PPP1R16B: variants seen among roughly 807,000 people sequenced by gnomAD.
PPP1R16B encodes protein phosphatase 1 regulatory subunit 16B.
Under a neutral mutation model 61.7 loss-of-function variants are expected in PPP1R16B, and 14 were observed. That is an observed-to-expected ratio of 0.23 (90% confidence interval 0.15 to 0.35). PPP1R16B has a LOEUF of 0.35. PPP1R16B is among the 10% of genes least tolerant of loss of function. The pLI is 1.00. For missense variants in PPP1R16B, 547 were observed against 752.5 expected (o/e 0.73, Z 3.19); for synonymous variants, 266 against 305.3 (o/e 0.87, Z 1.34).
chr20:38,830,706 A>T (rs528645097), intron 1 of PPP1R16B, among the ~76,000 whole-genome samples: 12 of 152,346 alleles, frequency 7.9e-5, no homozygotes, highest in African/African-American at 2.9e-4. Context: ...GAAAGTCTGA[A>T]AGATTAAAAG....
intron 2 of PPP1R16B, among the ~76,000 whole-genome samples, chr20:38,859,229 A>G (rs770407642): frequency 4.0e-5 from 6 of 151,780 alleles, no homozygotes. Context: ...ACAGCCCAGC[A>G]CGGGTATTCA....
intron 1 of PPP1R16B, 27 bp from the exon 2 acceptor site, chr20:38,835,798 T>C: frequency 3.6e-6 from 4 of 1,110,568 alleles, no homozygotes; most frequent in Non-Finnish European, 5.0e-6. Context: ...ACACATGTGT[T>C]CATCTGTGTC....
chr20:38,813,767 C>CATTATTATTATTATT (rs371284370), intron 1 of PPP1R16B, among the ~76,000 whole-genome samples: 4 of 132,074 alleles, frequency 3.0e-5, no homozygotes, highest in East Asian at 2.1e-4. Flanking sequence ...TCATCATCAT[C>CATTATTATTATTATT]ATTATTATTA....
chr20:38,877,357 T>A (rs1436069448), intron 2 of PPP1R16B, among the ~76,000 whole-genome samples: 1 of 151,926 alleles, frequency 6.6e-6, no homozygotes, highest in Non-Finnish European at 1.5e-5. Flanking sequence ...TTGCCCACGC[T>A]GGAGTGCAAT....
In PPP1R16B at chr20:38,918,514, G is replaced by T. The variant is rs769578356; in HGVS notation, c.1552G>T (p.Ala518Ser). 3.1e-6 allele frequency: 5 copies of T among 1,600,500 alleles called. No individual in the cohort carries two copies. Among genetic ancestry groups the T allele is most frequent in the Non-Finnish European group, 4.3e-6 (5 of 1,171,254 alleles). ...GGGCGAGAGTAGCAGTGAAGGCAAG[G>T]CCCCCTTGATCGGAGGCAGAACTTC... ...RTGESSSEGK[A>S]PLIGGRTSPY... The change falls in exon 11 of 11, where the codon GCC (alanine) becomes TCC (serine). Residue 518 changes from alanine (A) to serine (S), a missense_variant. Ala to Ser is a moderately conservative substitution (Grantham distance 99). Transcript: ENST00000299824. The surrounding 1 kb of genome is among the most constrained non-coding windows in gnomAD (Gnocchi z 5.3).
At chr20:38,899,773 A>G (rs954776047) in intron 4 of PPP1R16B, among the ~76,000 whole-genome samples, 1 of 151,976 alleles carries the variant, frequency 6.6e-6, no homozygotes, top group Non-Finnish European at 1.5e-5. Context: ...GTGACCTTGG[A>G]CAAGTGACCG....
rs532473581 is a variant in PPP1R16B, at chr20:38,880,375, A to G, written c.251-9220A>G. Reference sequence around the variant, plus strand: ...AACCAGGTGAAGTGAAGACAGAGAAAGACAGGCAGGGCTGGGTGTGGTGGC... The same window carrying G: ...AACCAGGTGAAGTGAAGACAGAGAAGGACAGGCAGGGCTGGGTGTGGTGGC... On this transcript the variant is annotated intron_variant, in intron 2 of 10. Transcript: ENST00000299824. Among the ~76,000 whole-genome samples the G allele has an allele frequency of 2.0e-5, 3 of 152,284 alleles. No homozygotes were observed. The South Asian group carries it at 6.2e-4, about 32-fold the overall frequency.
intron 2 of PPP1R16B, among the ~76,000 whole-genome samples, chr20:38,851,497 T>G (rs1296483473): frequency 1.3e-5 from 2 of 151,868 alleles, no homozygotes; most frequent in Non-Finnish European, 2.9e-5. Context: ...CTACAAAACT[T>G]AGAAGACGAT....
intron 6 of PPP1R16B, among the ~76,000 whole-genome samples, chr20:38,903,804 C>A (rs1214418653): frequency 6.6e-6 from 1 of 152,216 alleles, no homozygotes; most frequent in African/African-American, 2.4e-5. Context: ...CTGGCCACTC[C>A]TCATAGGCTC....
At chr20:38,877,952 G>GTTT (rs34151516) in intron 2 of PPP1R16B, among the ~76,000 whole-genome samples, 7 of 57,776 alleles carry the variant, frequency 1.2e-4, no homozygotes, top group Non-Finnish European at 2.3e-4. Context: ...GCACACAGTT[G>GTTT]TTTTTTTTTT....
chr20:38,807,093 C>T (rs1469209985), intron 1 of PPP1R16B, among the ~76,000 whole-genome samples: 1 of 152,322 alleles, frequency 6.6e-6, no homozygotes, highest in Non-Finnish European at 1.5e-5. Context: ...GGCGCCCTTT[C>T]CCGCAGGGCT....
At chr20:38,810,409 G>A (rs192807353) in intron 1 of PPP1R16B, among the ~76,000 whole-genome samples, 2 of 152,362 alleles carry the variant, frequency 1.3e-5, no homozygotes, top group East Asian at 1.9e-4. Context: ...TCTAGTGAGG[G>A]TTGTCCAGGA....
At chr20:38,872,521 G>T (rs1056600921) in intron 2 of PPP1R16B, among the ~76,000 whole-genome samples, 1 of 152,156 alleles carries the variant, frequency 6.6e-6, no homozygotes, top group African/African-American at 2.4e-5. Context: ...TCACTGGCAG[G>T]GTTTGTTAAA....
intron 3 of PPP1R16B, 38 bp downstream of exon 3, chr20:38,889,703 C>T: frequency 6.6e-7 from 1 of 1,524,270 alleles, no homozygotes; most frequent in Non-Finnish European, 9.1e-7. Context: ...GGCTCCCTGC[C>T]CCTCACCTGG....
At chr20:38,816,142 G>T (rs2084733838) in intron 1 of PPP1R16B, among the ~76,000 whole-genome samples, 1 of 152,168 alleles carries the variant, frequency 6.6e-6, no homozygotes, top group Non-Finnish European at 1.5e-5. Flanking sequence ...GAAGTGGGAA[G>T]TTAGGAAGGG....
intron 1 of PPP1R16B, among the ~76,000 whole-genome samples, chr20:38,832,563 A>C (rs1450395326): frequency 6.6e-6 from 1 of 152,226 alleles, no homozygotes. Context: ...TCACTCACAC[A>C]TTGCTGGAGG....
rs75778315 is a variant in PPP1R16B at position 38,899,915 on chromosome 20, G to A, written c.468-666G>A. 0.021 allele frequency among the ~76,000 whole-genome samples: 3,141 copies of A among 151,974 alleles called. 235 individuals are homozygous for A. In the East Asian group the frequency reaches 0.27, roughly 13 times the overall value. ...AGTTTCAAGCAATTCTCATGCCTCA[G>A]CCTCCCGAATAGCTGGGATTATAGG... On this transcript the variant is annotated intron_variant, in intron 4 of 10. Coordinates refer to ENST00000299824, the MANE Select transcript of PPP1R16B (RefSeq NM_015568.4).
chr20:38,886,974 T>C (rs2085249444), intron 2 of PPP1R16B, among the ~76,000 whole-genome samples: 1 of 152,188 alleles, frequency 6.6e-6, no homozygotes, highest in Non-Finnish European at 1.5e-5. Flanking sequence ...GTAAATGAGA[T>C]GTATAGGAGC....
chr20:38,894,833 C>T (rs890643055), intron 3 of PPP1R16B, among the ~76,000 whole-genome samples: 26 of 152,216 alleles, frequency 1.7e-4, no homozygotes, highest in Admixed American at 1.1e-3. Context: ...TTGGAGCCTG[C>T]GTTCTCTCTA....
Sources: allele counts gnomAD v4.1 joint callset (sites outside exome capture counted in the v4.1 genomes callset), GRCh38; gene constraint gnomAD v4.1.1; non-coding constraint Gnocchi (gnomAD v3.1); transcripts MANE v1.5; gene names NCBI Gene and HGNC (gene_info 2026-07-23, HGNC 2026-07-21).